SHB: variants seen among roughly 807,000 people sequenced by gnomAD.
The protein encoded by SHB is SH2 domain containing adaptor protein B.
SHB carries 20 observed loss-of-function variants against 52.3 expected under a neutral mutation model. The ratio of observed to expected loss-of-function variants is 0.38; its 90% CI spans 0.27 to 0.56. SHB has a LOEUF of 0.56. Ranked by LOEUF, SHB falls within the 20% of genes least tolerant of loss-of-function variation. The pLI is 0.71. For synonymous variants in SHB, 397 were observed against 316.5 expected, an observed-to-expected ratio of 1.25 and a Z score of -2.70; for missense variants, 825 against 723.3, an observed-to-expected ratio of 1.14 and a Z score of -1.61.
intron 1 of SHB, among the ~76,000 whole-genome samples, chr9:38,060,481 C>T (rs1030774490): frequency 3.3e-5 from 5 of 152,152 alleles, no homozygotes; most frequent in Admixed American, 3.3e-4. Flanking sequence ...GAACCACCGA[C>T]CTGACTTTAG....
chr9:37,937,909 C>G (rs191287305), intron 5 of SHB, among the ~76,000 whole-genome samples: 10 of 152,262 alleles, frequency 6.6e-5, no homozygotes, highest in Admixed American at 1.3e-4. Context: ...GTTGACCCCA[C>G]CAGGGTCTTG....
chr9:37,993,972 G>C (rs1001853660), intron 2 of SHB, among the ~76,000 whole-genome samples: 1 of 152,244 alleles, frequency 6.6e-6, no homozygotes, highest in Non-Finnish European at 1.5e-5. Context: ...AACATGGCTA[G>C]AGTCAGAAGC....
intron 2 of SHB, among the ~76,000 whole-genome samples, chr9:37,998,454 T>G (rs1211629542): frequency 2.0e-5 from 3 of 152,126 alleles, no homozygotes; most frequent in African/African-American, 7.2e-5. Flanking sequence ...CAAAATCCTA[T>G]TTTGTTTATT....
intron 1 of SHB, among the ~76,000 whole-genome samples, chr9:38,049,670 G>C (rs112652229): frequency 0.082 from 12,323 of 150,264 alleles, 1,612 homozygotes; most frequent in African/African-American, 0.28. Flanking sequence ...GGCTCAGAGA[G>C]GTCAAGTGAC....
At chr9:37,988,701 CTGAG>C (rs1457992137) in intron 2 of SHB, among the ~76,000 whole-genome samples, 2 of 152,140 alleles carry the variant, frequency 1.3e-5, no homozygotes, top group Non-Finnish European at 2.9e-5. Context: ...AAATATTATT[CTGAG>C]TGTTTCTGGA....
intron 1 of SHB, among the ~76,000 whole-genome samples, chr9:38,049,966 A>G (rs1194364574): frequency 1.3e-5 from 2 of 152,080 alleles, no homozygotes; most frequent in African/African-American, 2.4e-5. Flanking sequence ...CACCCGGCTA[A>G]TTTTTGTAAA....
intron 2 of SHB, among the ~76,000 whole-genome samples, chr9:37,995,302 G>A (rs1046993570): frequency 3.9e-5 from 6 of 152,150 alleles, no homozygotes; most frequent in Non-Finnish European, 5.9e-5. Context: ...AGACAGAGGC[G>A]GACACTTTCC....
rs1404311125 is a variant in SHB at position 38,006,872 on chromosome 9, C to T, written c.838+9139G>A. Among the ~76,000 whole-genome samples the T allele has an allele frequency of 3.9e-5, 6 of 152,356 alleles. No homozygotes were observed. In the East Asian group the frequency reaches 9.6e-4, roughly 24 times the overall value. On this transcript the variant is annotated intron_variant, in intron 2 of 5. Coordinates refer to ENST00000377707, the MANE Select transcript of SHB (RefSeq NM_003028.3). ...AGCTGTCCCCCTTATCCCCAGAAGACAGCACTGAGACCATCCTTCCTACTG... is the reference window on the plus strand; with the variant it reads ...AGCTGTCCCCCTTATCCCCAGAAGATAGCACTGAGACCATCCTTCCTACTG...
In SHB at chr9:37,917,965, G is replaced by A. The variant is rs1441070236; in HGVS notation, c.*1856C>T. On this transcript the variant is annotated 3_prime_UTR_variant, in exon 6 of 6. Coordinates refer to ENST00000377707, the MANE Select transcript of SHB (RefSeq NM_003028.3). Reference sequence around the variant, plus strand: ...TGAAGTCCACGCAGCTACCTAAAGGGGCAGGGCTCAGTCCCAGCTCGACAC... The same window carrying A: ...TGAAGTCCACGCAGCTACCTAAAGGAGCAGGGCTCAGTCCCAGCTCGACAC... 6.6e-6 allele frequency among the ~76,000 whole-genome samples: 1 copy of A among 152,218 alleles called. No homozygotes were observed.
At chr9:38,001,108 G>A (rs1051690992) in intron 2 of SHB, among the ~76,000 whole-genome samples, 4 of 151,612 alleles carry the variant, frequency 2.6e-5, no homozygotes, top group Non-Finnish European at 4.4e-5. Context: ...TCTTTTTTTC[G>A]GTTTCAGAGA....
intron 5 of SHB, among the ~76,000 whole-genome samples, chr9:37,945,322 G>A (rs1477441771): frequency 6.6e-6 from 1 of 152,210 alleles, no homozygotes; most frequent in Admixed American, 6.5e-5. Context: ...CTTGCTCCAG[G>A]CAGCCAGGAT....
At chr9:38,045,593 AGAGT>A (rs1364998461) in intron 1 of SHB, among the ~76,000 whole-genome samples, 2 of 152,174 alleles carry the variant, frequency 1.3e-5, no homozygotes, top group Non-Finnish European at 2.9e-5. Context: ...CCTGGACAAC[AGAGT>A]GAGACCCTGT....
At chr9:38,038,977 G>A (rs1196833039) in intron 1 of SHB, among the ~76,000 whole-genome samples, 2 of 152,224 alleles carry the variant, frequency 1.3e-5, no homozygotes, top group Non-Finnish European at 2.9e-5. Context: ...AGTTTTTTGA[G>A]ACAGACTGTC....
At chr9:38,048,209 T>C (rs868203909) in intron 1 of SHB, among the ~76,000 whole-genome samples, 20 of 152,224 alleles carry the variant, frequency 1.3e-4, no homozygotes, top group African/African-American at 4.6e-4. Flanking sequence ...AACTGTAAAA[T>C]ATTCCAACCT....
In SHB at chr9:38,024,699, G is replaced by A. The variant is rs372151804; in HGVS notation, c.718-8568C>T. On this transcript the variant is annotated intron_variant, in intron 1 of 5. Coordinates refer to ENST00000377707, the MANE Select transcript of SHB (RefSeq NM_003028.3). ...CAGGCTTTTCAGCATCTCTCAAGTAGTGGGAGGTTCTATTTTGAACTCAGA... is the reference window on the plus strand; with the variant it reads ...CAGGCTTTTCAGCATCTCTCAAGTAATGGGAGGTTCTATTTTGAACTCAGA... 4.6e-5 allele frequency among the ~76,000 whole-genome samples: 7 copies of A among 152,320 alleles called. No homozygotes were observed. In the South Asian group the frequency reaches 6.2e-4, roughly 14 times the overall value.
intron 3 of SHB, among the ~76,000 whole-genome samples, chr9:37,958,159 G>A (rs1359902534): frequency 1.3e-5 from 2 of 152,224 alleles, no homozygotes; most frequent in Non-Finnish European, 1.5e-5. Context: ...GCTCTAGAAA[G>A]TATAGCTGGC....
chr9:37,963,501 A>T (rs1564089564), intron 3 of SHB, among the ~76,000 whole-genome samples: 1 of 152,210 alleles, frequency 6.6e-6, no homozygotes, highest in Non-Finnish European at 1.5e-5. Context: ...AGGCTGTTGC[A>T]GCCCTGGTGT....
intron 1 of SHB, among the ~76,000 whole-genome samples, chr9:38,038,970 T>G (rs1280989873): frequency 1.3e-5 from 2 of 152,118 alleles, no homozygotes; most frequent in African/African-American, 2.4e-5. Flanking sequence ...AGATGGAAGT[T>G]TTTTGAGACA....
At chr9:37,961,330 A>G (rs556114082) in intron 3 of SHB, among the ~76,000 whole-genome samples, 2 of 152,276 alleles carry the variant, frequency 1.3e-5, no homozygotes, top group South Asian at 4.1e-4. Context: ...AGGTGCTTGG[A>G]TGAGATAAAT....
Sources: gnomAD v4.1 joint callset for allele counts (sites outside exome capture counted in the v4.1 genomes callset) on GRCh38, gnomAD v4.1.1 for gene constraint, MANE v1.5 for transcripts, NCBI Gene and HGNC (gene_info 2026-07-23, HGNC 2026-07-21) for gene names.